Variants in HHLA2 observed in about 807,000 individuals in gnomAD.
HHLA2 encodes the protein HHLA2 member of B7 family.
HHLA2 carries 48 observed loss-of-function variants against 45.9 expected under a neutral mutation model. The ratio of observed to expected loss-of-function variants is 1.05; its 90% CI spans 0.83 to 1.33. HHLA2 has a LOEUF of 1.33. HHLA2 is among the 40% of genes most tolerant of loss of function. The pLI is 0.00. For missense variants in HHLA2, 462 were observed against 494.3 expected, an observed-to-expected ratio of 0.93 and a Z score of 0.62; for synonymous variants, 161 against 173.9, an observed-to-expected ratio of 0.93 and a Z score of 0.59.
exon 11 of HHLA2, chr3:108,377,301 A>C: frequency 6.4e-7 from 1 of 1,562,232 alleles, no homozygotes; most frequent in South Asian, 1.1e-5. Context: ...GACTGTGACA[A>C]CTCATGACCT....
rs1391469238 is a variant in HHLA2 at position 108,351,068 on chromosome 3, G to A, written c.-26-720G>A. 4.6e-5 allele frequency among the ~76,000 whole-genome samples: 7 copies of A among 152,302 alleles called. No individual in the cohort carries two copies. In the East Asian group the frequency reaches 1.3e-3, roughly 29 times the overall value. On this transcript the variant is annotated intron_variant, in intron 3 of 10. Coordinates refer to ENST00000619531, the Ensembl canonical transcript of HHLA2. ...CTTTAAACAAGCTATTTCTTACAGTGTAAAAATTAACTTTAATCCTATCAT... is the reference window on the plus strand; with the variant it reads ...CTTTAAACAAGCTATTTCTTACAGTATAAAAATTAACTTTAATCCTATCAT...
intron 7 of HHLA2, among the ~76,000 whole-genome samples, chr3:108,358,554 G>A (rs558306561): frequency 2.0e-4 from 30 of 152,244 alleles, no homozygotes; most frequent in South Asian, 1.0e-3. Flanking sequence ...AAGAATGCTG[G>A]GAAATCATGA....
intron 8 of HHLA2, 70 bp downstream of exon 7, chr3:108,362,516 A>C (rs2082000372): frequency 1.0e-6 from 1 of 978,482 alleles, no homozygotes; most frequent in Middle Eastern, 2.1e-4. Flanking sequence ...ATGGAAATAC[A>C]TGCCCAAACA....
intron 8 of HHLA2, among the ~76,000 whole-genome samples, chr3:108,365,148 TA>T (rs1279292177): frequency 6.6e-6 from 1 of 152,228 alleles, no homozygotes; most frequent in African/African-American, 2.4e-5. Context: ...TTTAAGTCTT[TA>T]ATCCACCTTG....
intron 8 of HHLA2, among the ~76,000 whole-genome samples, chr3:108,362,819 A>G (rs1336864692): frequency 3.3e-5 from 5 of 152,200 alleles, no homozygotes; most frequent in Non-Finnish European, 1.5e-5. Context: ...GGATGACTTA[A>G]TCATCCTGCA....
Position 108,298,965 on chromosome 3 carries a change from G to T in HHLA2, c.-192+2366G>T, listed in dbSNP as rs139735378. ...GGGATGTCTTCTCCATGGCTATCCA[G>T]GTCTGTCCTAGACACCACCTTCGAG... On this transcript the variant is annotated intron_variant, in intron 1 of 10. Transcript: ENST00000619531. 5.8e-3 allele frequency among the ~76,000 whole-genome samples: 877 copies of T among 152,232 alleles called. 6 individuals carry two copies. Among genetic ancestry groups the T allele is most frequent in the African/African-American group, 0.02 (837 of 41,552 alleles).
At chr3:108,334,271 G>T (rs147495605) in intron 3 of HHLA2, among the ~76,000 whole-genome samples, 9 of 152,312 alleles carry the variant, frequency 5.9e-5, no homozygotes, top group Non-Finnish European at 8.8e-5. Flanking sequence ...AAATTGATGA[G>T]CCAGCTTTTA....
At chr3:108,349,632 T>G (rs1052043477) in intron 3 of HHLA2, among the ~76,000 whole-genome samples, 1 of 152,216 alleles carries the variant, frequency 6.6e-6, no homozygotes, top group Non-Finnish European at 1.5e-5. Context: ...GAATCCTCCC[T>G]AACTCATTTT....
At chr3:108,297,675 G>T (rs1193258773) in intron 1 of HHLA2, among the ~76,000 whole-genome samples, 1 of 152,134 alleles carries the variant, frequency 6.6e-6, no homozygotes, top group African/African-American at 2.4e-5. Flanking sequence ...CTGAAAGTTT[G>T]GTGGCTCTTA....
At chr3:108,359,187 AAAAT>A (rs2081947999) in intron 7 of HHLA2, among the ~76,000 whole-genome samples, 1 of 152,198 alleles carries the variant, frequency 6.6e-6, no homozygotes, top group African/African-American at 2.4e-5. Flanking sequence ...TGTAAAAAAA[AAAAT>A]AGTCAAGAAG....
chr3:108,314,080 C>T (rs1293335700), intron 2 of HHLA2, among the ~76,000 whole-genome samples: 1 of 152,130 alleles, frequency 6.6e-6, no homozygotes, highest in Non-Finnish European at 1.5e-5. Flanking sequence ...ACCGTGATGT[C>T]GCATAATTGT....
rs767373626 is a variant in HHLA2, at chr3:108,375,812, A to C, written c.1159+12A>C. On this transcript the variant is annotated intron_variant, in intron 9 of 10. Transcript: ENST00000619531. The stretch of plus-strand genomic sequence containing the variant: ...TGGAGCCCAACAAGGTCAGCCTCCC[A>C]TGTCTGAGAGAAGAATGGATTCTGG... The C allele has an allele frequency of 6.2e-7, 1 of 1,609,184 alleles. No homozygotes were observed. The highest frequency in any genetic ancestry group is 2.2e-5 in the East Asian group (1 of 44,728).
intron 4 of HHLA2, 21 bp from the exon 4 acceptor site, chr3:108,353,406 C>T (rs1560248553): frequency 1.4e-6 from 2 of 1,468,500 alleles, no homozygotes; most frequent in African/African-American, 1.4e-5. Context: ...CTCTTTATAA[C>T]TTCTCTGCTC....
intron 1 of HHLA2, among the ~76,000 whole-genome samples, chr3:108,297,683 TTAAA>T (rs1327230876): frequency 3.9e-5 from 6 of 152,328 alleles, no homozygotes; most frequent in Non-Finnish European, 7.4e-5. Context: ...TTGGTGGCTC[TTAAA>T]TAAATCCATG....
chr3:108,308,281 G>A (rs1486383138), intron 1 of HHLA2, among the ~76,000 whole-genome samples: 2 of 152,052 alleles, frequency 1.3e-5, no homozygotes, highest in African/African-American at 4.8e-5. Flanking sequence ...TCTGTGCCTG[G>A]CTTATTTCAC....
At chr3:108,351,814 A>G in exon 4 of HHLA2, 1 of 1,612,618 alleles carries the variant, frequency 6.2e-7, no homozygotes, top group Non-Finnish European at 8.5e-7. Context: ...TGCACAAGAC[A>G]TGAAGGCACA....
At chr3:108,309,174 T>C (rs1052883619) in intron 1 of HHLA2, among the ~76,000 whole-genome samples, 2 of 152,214 alleles carry the variant, frequency 1.3e-5, no homozygotes, top group Non-Finnish European at 2.9e-5. Flanking sequence ...CCACTTTTAT[T>C]TGATTTTTGT....
chr3:108,377,374 G>C, exon 11 of HHLA2: 2 of 881,020 alleles, frequency 2.3e-6, no homozygotes, highest in South Asian at 3.0e-5. Flanking sequence ...GCAATGGCCT[G>C]TCGGAGCAGA....
chr3:108,333,264 A>C (rs1274754184), intron 3 of HHLA2, among the ~76,000 whole-genome samples: 1 of 152,186 alleles, frequency 6.6e-6, no homozygotes, highest in Non-Finnish European at 1.5e-5. Flanking sequence ...AGTAGAGGTG[A>C]CGTGATTCAA....
Sources: allele counts gnomAD v4.1 joint callset (sites outside exome capture counted in the v4.1 genomes callset), GRCh38; gene constraint gnomAD v4.1.1; transcripts MANE v1.5; gene names NCBI Gene and HGNC (gene_info 2026-07-23, HGNC 2026-07-21).